TAFA2: variants seen among roughly 807,000 people sequenced by gnomAD.
The protein encoded by TAFA2 is TAFA chemokine like family member 2.
Under a neutral mutation model 18.8 loss-of-function variants are expected in TAFA2, and 7 were observed. The observed-to-expected ratio is 0.37, with a 90% confidence interval of 0.21 to 0.70. The LOEUF is 0.70. Ranked by LOEUF, TAFA2 falls within the 30% of genes least tolerant of loss-of-function variation. TAFA2 has a pLI of 0.53. For missense variants in TAFA2, 122 were observed against 158.1 expected (o/e 0.77, Z 1.23); for synonymous variants, 60 against 54.2 (o/e 1.11, Z -0.47).
At chr12:62,199,173 T>C (rs1466139350) in intron 1 of TAFA2, among the ~76,000 whole-genome samples, 1 of 152,228 alleles carries the variant, frequency 6.6e-6, no homozygotes, top group Non-Finnish European at 1.5e-5. Flanking sequence ...TGGGGATAAG[T>C]AGGCCACATG....
chr12:62,040,553 A>AG (rs1163689098), intron 1 of TAFA2, among the ~76,000 whole-genome samples: 1 of 152,148 alleles, frequency 6.6e-6, no homozygotes, highest in Non-Finnish European at 1.5e-5. Flanking sequence ...AGGAACCTCA[A>AG]GTATTGCTAG....
intron 1 of TAFA2, among the ~76,000 whole-genome samples, chr12:62,071,863 A>AT (rs1882639073): frequency 6.6e-6 from 1 of 152,186 alleles, no homozygotes; most frequent in African/African-American, 2.4e-5. Context: ...ACTTGTGAGG[A>AT]TAGGGGAAAT....
At chr12:61,724,883 T>C (rs1337911004) in intron 4 of TAFA2, among the ~76,000 whole-genome samples, 1 of 143,790 alleles carries the variant, frequency 7.0e-6, no homozygotes, top group Non-Finnish European at 1.5e-5. Flanking sequence ...TTAGTTCTTA[T>C]GGAATCTCCA....
At chr12:61,818,362 C>T (rs1821143784) in intron 2 of TAFA2, among the ~76,000 whole-genome samples, 1 of 152,012 alleles carries the variant, frequency 6.6e-6, no homozygotes, top group South Asian at 2.1e-4. Context: ...CATAACTTCT[C>T]AGGTCCTCAA....
chr12:62,080,600 T>C (rs899195363), intron 1 of TAFA2, among the ~76,000 whole-genome samples: 26 of 152,204 alleles, frequency 1.7e-4, no homozygotes, highest in Non-Finnish European at 3.1e-4. Flanking sequence ...TTGACACATA[T>C]GTGAACTTTA....
intron 4 of TAFA2, among the ~76,000 whole-genome samples, chr12:61,728,833 T>G: frequency 6.6e-6 from 1 of 152,010 alleles, no homozygotes; most frequent in Non-Finnish European, 1.5e-5. Flanking sequence ...TGTTTTATAG[T>G]CCCTGTAAGA....
chr12:62,112,766 T>A (rs1164208686), intron 1 of TAFA2, among the ~76,000 whole-genome samples: 1 of 152,100 alleles, frequency 6.6e-6, no homozygotes, highest in African/African-American at 2.4e-5. Context: ...TTCCACTTGA[T>A]CAATTTGGCT....
At chr12:62,055,154 C>G (rs76043534) in intron 1 of TAFA2, among the ~76,000 whole-genome samples, 9,230 of 152,184 alleles carry the variant, frequency 0.061, 385 homozygotes, top group Non-Finnish European at 0.087. Context: ...TGTGAGGACT[C>G]CAGGAAGCAG....
intron 1 of TAFA2, among the ~76,000 whole-genome samples, chr12:62,130,151 T>C (rs1870623736): frequency 6.6e-6 from 1 of 151,974 alleles, no homozygotes; most frequent in Admixed American, 6.6e-5. Context: ...TCTGGTAAAT[T>C]GCTTTCATCT....
chr12:61,919,308 G>A (rs1219612060), intron 1 of TAFA2, among the ~76,000 whole-genome samples: 8 of 151,928 alleles, frequency 5.3e-5, no homozygotes, highest in East Asian at 3.9e-4. Context: ...CCAACTTCCC[G>A]CCCCTGGCCA....
intron 1 of TAFA2, among the ~76,000 whole-genome samples, chr12:62,102,286 T>C (rs1247851122): frequency 6.6e-6 from 1 of 152,222 alleles, no homozygotes; most frequent in East Asian, 1.9e-4. Context: ...TTAAAATATT[T>C]TTCTGGGTCC....
At chr12:61,912,991 A>G (rs1876675231) in intron 1 of TAFA2, among the ~76,000 whole-genome samples, 1 of 152,182 alleles carries the variant, frequency 6.6e-6, no homozygotes, top group African/African-American at 2.4e-5. Flanking sequence ...GGTCTGGTGA[A>G]AACCATAAGG....
intron 2 of TAFA2, among the ~76,000 whole-genome samples, chr12:61,823,923 G>A (rs1167268714): frequency 6.6e-6 from 1 of 152,166 alleles, no homozygotes; most frequent in Non-Finnish European, 1.5e-5. Context: ...AACACCTGGT[G>A]TCTATAGTCT....
At chr12:61,851,565 A>G (rs1021180298) in intron 2 of TAFA2, among the ~76,000 whole-genome samples, 15 of 150,458 alleles carry the variant, frequency 1.0e-4, no homozygotes, top group African/African-American at 3.4e-4. Flanking sequence ...TCACGAGGTC[A>G]GGAAATCGAG....
At chr12:62,046,152 A>G (rs1881902364) in intron 1 of TAFA2, among the ~76,000 whole-genome samples, 1 of 152,110 alleles carries the variant, frequency 6.6e-6, no homozygotes, top group Non-Finnish European at 1.5e-5. Flanking sequence ...AAAAATTAGG[A>G]CTGGATCCAA....
intron 2 of TAFA2, among the ~76,000 whole-genome samples, chr12:61,795,915 C>A (rs1053432848): frequency 4.6e-5 from 7 of 151,900 alleles, no homozygotes; most frequent in African/African-American, 1.5e-4. Flanking sequence ...CATATATGGA[C>A]AATTGACTTT....
At chr12:61,763,941 T>C (rs1869673601) in intron 2 of TAFA2, among the ~76,000 whole-genome samples, 1 of 152,000 alleles carries the variant, frequency 6.6e-6, no homozygotes, top group Non-Finnish European at 1.5e-5. Flanking sequence ...GGTAACTTGA[T>C]GATGTCTCTG....
intron 1 of TAFA2, among the ~76,000 whole-genome samples, chr12:62,074,047 T>C (rs1025341514): frequency 6.6e-6 from 1 of 152,244 alleles, no homozygotes; most frequent in Non-Finnish European, 1.5e-5. Flanking sequence ...TTGACTTGCC[T>C]AGCATAGCAT....
At chr12:61,906,063 AT>A (rs1399739262) in intron 1 of TAFA2, among the ~76,000 whole-genome samples, 1 of 152,228 alleles carries the variant, frequency 6.6e-6, no homozygotes, top group Admixed American at 6.5e-5. Context: ...TCCTTAATGG[AT>A]TGTCAAGAAA....
Sources: gnomAD v4.1 joint callset for allele counts (sites outside exome capture counted in the v4.1 genomes callset) on GRCh38, gnomAD v4.1.1 for gene constraint, MANE v1.5 for transcripts, NCBI Gene and HGNC (gene_info 2026-07-23, HGNC 2026-07-21) for gene names.